Variants in MYO3B observed in about 807,000 individuals in gnomAD.
MYO3B encodes myosin IIIB, also known as myosin-IIIb.
Under a neutral mutation model 174.6 loss-of-function variants are expected in MYO3B, and 156 were observed. The observed-to-expected ratio is 0.89, with a 90% CI of 0.78 to 1.02. The LOEUF (loss-of-function observed/expected upper bound fraction) is 1.02. Among genes scored for constraint, MYO3B ranks in the 50% least tolerant of loss-of-function variants. The pLI is 0.00. For synonymous variants in MYO3B, 563 were observed against 569.1 expected, an observed-to-expected ratio of 0.99 and a Z score of 0.15; for missense variants, 1,632 against 1,639.4, an observed-to-expected ratio of 1.00 and a Z score of 0.08.
chr2:170,598,629 A>G (rs1442564175), intron 32 of MYO3B, among the ~76,000 whole-genome samples: 1 of 152,168 alleles, frequency 6.6e-6, no homozygotes, highest in Admixed American at 6.5e-5. Flanking sequence ...TTGAGACCAC[A>G]TGTGGTCTAC....
At chr2:170,352,837 A>G (rs1410454638) in intron 8 of MYO3B, among the ~76,000 whole-genome samples, 1 of 152,230 alleles carries the variant, frequency 6.6e-6, no homozygotes. Flanking sequence ...ACAATAAAAT[A>G]AAAAGATTCA....
intron 7 of MYO3B, among the ~76,000 whole-genome samples, chr2:170,297,084 T>A (rs2093633550): frequency 6.6e-6 from 1 of 152,132 alleles, no homozygotes; most frequent in South Asian, 2.1e-4. Flanking sequence ...CTTCACATAT[T>A]GAATAAGGTT....
intron 32 of MYO3B, among the ~76,000 whole-genome samples, chr2:170,553,214 C>G (rs536070074): frequency 1.3e-5 from 2 of 152,124 alleles, no homozygotes; most frequent in East Asian, 1.9e-4. Flanking sequence ...GGTTACTGTC[C>G]TCCAGACCCC....
chr2:170,390,889 G>T (rs113848964), intron 14 of MYO3B, among the ~76,000 whole-genome samples: 3 of 152,124 alleles, frequency 2.0e-5, no homozygotes, highest in African/African-American at 7.2e-5. Flanking sequence ...AAACGTCTAG[G>T]CATGTACTTA....
chr2:170,631,693 A>G (rs1208721733), intron 32 of MYO3B, among the ~76,000 whole-genome samples: 2 of 152,128 alleles, frequency 1.3e-5, no homozygotes, highest in Non-Finnish European at 2.9e-5. Flanking sequence ...CCATCAGACT[A>G]ACAGTGGATC....
chr2:170,416,818 GTTT>G (rs552594236), intron 22 of MYO3B, among the ~76,000 whole-genome samples: 10 of 116,124 alleles, frequency 8.6e-5, no homozygotes, highest in East Asian at 2.4e-4. Flanking sequence ...TTTTTCTGTT[GTTT>G]TTTTTTTTTT....
intron 32 of MYO3B, among the ~76,000 whole-genome samples, chr2:170,642,872 T>A (rs1396621756): frequency 6.6e-6 from 1 of 152,186 alleles, no homozygotes; most frequent in Non-Finnish European, 1.5e-5. Context: ...CAAGGCATAT[T>A]AGGGACAAGG....
chr2:170,452,591 C>A (rs1683660020), intron 23 of MYO3B, among the ~76,000 whole-genome samples: 1 of 152,082 alleles, frequency 6.6e-6, no homozygotes, highest in Non-Finnish European at 1.5e-5. Context: ...ATCTCTTATT[C>A]CAGACTCCAG....
intron 25 of MYO3B, among the ~76,000 whole-genome samples, chr2:170,473,398 G>A (rs1008840033): frequency 1.3e-5 from 2 of 151,636 alleles, no homozygotes; most frequent in African/African-American, 2.4e-5. Context: ...CGCCTGCCTC[G>A]GCCTCCCAAA....
At chr2:170,560,493 A>T (rs1309510840) in intron 32 of MYO3B, among the ~76,000 whole-genome samples, 1 of 152,156 alleles carries the variant, frequency 6.6e-6, no homozygotes, top group African/African-American at 2.4e-5. Context: ...ATACGTGAAG[A>T]CTCAGTGTTC....
At chr2:170,599,711 G>T (rs1027238262) in intron 32 of MYO3B, among the ~76,000 whole-genome samples, 3 of 152,114 alleles carry the variant, frequency 2.0e-5, no homozygotes, top group Non-Finnish European at 1.5e-5. Flanking sequence ...TTGTGCCACT[G>T]CACTCTAGCC....
At chr2:170,294,724 T>C (rs2093617745) in intron 7 of MYO3B, among the ~76,000 whole-genome samples, 2 of 152,134 alleles carry the variant, frequency 1.3e-5, no homozygotes, top group South Asian at 4.1e-4. Flanking sequence ...ATATATGTCA[T>C]TATAAATTTG....
At chr2:170,220,016 T>A (rs575153807) in intron 6 of MYO3B, among the ~76,000 whole-genome samples, 33 of 152,326 alleles carry the variant, frequency 2.2e-4, no homozygotes, top group Non-Finnish European at 4.0e-4. Flanking sequence ...CCCAGCACTT[T>A]GGGAGGCCAA....
intron 7 of MYO3B, among the ~76,000 whole-genome samples, chr2:170,323,229 A>C (rs1385016190): frequency 2.0e-5 from 3 of 152,150 alleles, no homozygotes; most frequent in African/African-American, 7.2e-5. Context: ...CTTTGGAGGG[A>C]GCTAAATGAC....
intron 7 of MYO3B, among the ~76,000 whole-genome samples, chr2:170,274,736 AAG>A (rs1279419361): frequency 6.6e-6 from 1 of 152,180 alleles, no homozygotes; most frequent in Admixed American, 6.6e-5. Flanking sequence ...TACATTGAAA[AAG>A]GTGACTTTTA....
chr2:170,455,563 G>T (rs1683859333), intron 23 of MYO3B, among the ~76,000 whole-genome samples: 1 of 152,124 alleles, frequency 6.6e-6, no homozygotes, highest in South Asian at 2.1e-4. Flanking sequence ...TTACCTCATA[G>T]GTTATTTTGA....
intron 5 of MYO3B, among the ~76,000 whole-genome samples, chr2:170,215,800 A>G (rs950349766): frequency 3.3e-5 from 5 of 152,212 alleles, no homozygotes; most frequent in African/African-American, 4.8e-5. Context: ...TGTGTATGAC[A>G]TTTGAATTGT....
intron 23 of MYO3B, among the ~76,000 whole-genome samples, chr2:170,458,821 T>C (rs191697158): frequency 6.6e-6 from 1 of 152,354 alleles, no homozygotes; most frequent in East Asian, 1.9e-4. Context: ...CTTATGAATA[T>C]GCAAATATAC....
At chr2:170,297,464 G>C (rs2093636329) in intron 7 of MYO3B, among the ~76,000 whole-genome samples, 1 of 152,128 alleles carries the variant, frequency 6.6e-6, no homozygotes, top group South Asian at 2.1e-4. Context: ...TAGTAACTCT[G>C]CTTTTCCCAG....
Sources: gnomAD v4.1 joint callset for allele counts (sites outside exome capture counted in the v4.1 genomes callset) on GRCh38, gnomAD v4.1.1 for gene constraint, MANE v1.5 for transcripts, NCBI Gene and HGNC (gene_info 2026-07-23, HGNC 2026-07-21) for gene names.